Variants in SYK observed in about 807,000 individuals in gnomAD.
SYK encodes the protein spleen associated tyrosine kinase, also known as tyrosine-protein kinase SYK.
Under a neutral mutation model 77.8 loss-of-function variants are expected in SYK, and 16 were observed. The ratio of observed to expected loss-of-function variants is 0.21; its 90% CI spans 0.14 to 0.31. SYK has a LOEUF of 0.31. SYK is among the 10% of genes least tolerant of loss of function. The pLI, the probability that SYK is intolerant of heterozygous loss-of-function variation, is 1.00. For synonymous variants in SYK, 312 were observed against 308.7 expected, an observed-to-expected ratio of 1.01 and a Z score of -0.11; for missense variants, 529 against 814.4, an observed-to-expected ratio of 0.65 and a Z score of 4.26.
At position 90,884,888 on chromosome 9, in the gene SYK, T is replaced by TGTATAC. The variant is rs1554714829; in HGVS notation, c.1582-2861_1582-2860insGTATAC. ...ATACATATATACATATATACATATA[T>TGTATAC]ATACATATGCACATATGTGTATATA... On this transcript the variant is annotated intron_variant, in intron 11 of 13. Coordinates refer to ENST00000375754, the MANE Select transcript of SYK (RefSeq NM_003177.7). 2.4e-5 allele frequency among the ~76,000 whole-genome samples: 2 copies of TGTATAC among 82,454 alleles called. 1 individual carries two copies. The highest frequency in any genetic ancestry group is 5.0e-4 in the East Asian group (2 of 4,032). 54.1% of individuals were successfully genotyped at this position (82,454 alleles called of 152,430 possible). A position where few individuals can be genotyped will look rare whatever the true frequency, so the allele number is the denominator to read the frequency against.
intron 1 of SYK, among the ~76,000 whole-genome samples, chr9:90,804,481 T>C (rs1411825497): frequency 6.6e-6 from 1 of 152,224 alleles, no homozygotes; most frequent in Admixed American, 6.5e-5. Context: ...TTCTCAACTT[T>C]CCCTGTATAG....
chr9:90,825,695 C>T (rs1423323447), intron 1 of SYK, among the ~76,000 whole-genome samples: 1 of 152,146 alleles, frequency 6.6e-6, no homozygotes, highest in Admixed American at 6.5e-5. Context: ...CAGCTTAGAA[C>T]ATGTAGGAAG....
At chr9:90,803,305 C>G (rs1213301572) in intron 1 of SYK, among the ~76,000 whole-genome samples, 2 of 152,122 alleles carry the variant, frequency 1.3e-5, no homozygotes, top group African/African-American at 4.8e-5. Context: ...GTCTTATCCT[C>G]TTACTCTTCT....
At chr9:90,870,969 A>G (rs1355397625) in intron 7 of SYK, among the ~76,000 whole-genome samples, 1 of 152,260 alleles carries the variant, frequency 6.6e-6, no homozygotes, top group Non-Finnish European at 1.5e-5. Flanking sequence ...TGGACCTATC[A>G]GTTCCACAGA....
In SYK at chr9:90,895,661, C is replaced by A; in HGVS notation, c.*61C>A. The A allele has an allele frequency of 6.7e-7, 1 of 1,501,692 alleles. No homozygotes were observed. Among genetic ancestry groups the A allele is most frequent in the Non-Finnish European group, 9.3e-7 (1 of 1,080,154 alleles). The allele number at this position is 1,501,692 out of a possible 1,614,324, so 93.0% of individuals were successfully genotyped here. On this transcript the variant is annotated 3_prime_UTR_variant, in exon 14 of 14. Coordinates refer to ENST00000375754, the MANE Select transcript of SYK (RefSeq NM_003177.7). The surrounding 1 kb of genome is among the most constrained non-coding windows in gnomAD (Gnocchi z 4.4). ...CAGGAGCAATCACAGGAAAATGTATCCAGAGGAATTGATTGTCAGCCACCT... is the reference window on the plus strand; with the variant it reads ...CAGGAGCAATCACAGGAAAATGTATACAGAGGAATTGATTGTCAGCCACCT...
At chr9:90,893,158 T>A (rs1423494010) in intron 13 of SYK, among the ~76,000 whole-genome samples, 1 of 152,126 alleles carries the variant, frequency 6.6e-6, no homozygotes, top group Admixed American at 6.5e-5. Context: ...AAGCTAAAAA[T>A]AAGTGTGTCC....
chr9:90,830,581 CTTTTTTTTTTT>C (rs57804863), intron 1 of SYK, among the ~76,000 whole-genome samples: 1 of 111,562 alleles, frequency 9.0e-6, no homozygotes, highest in South Asian at 2.9e-4. Context: ...ACTCATTCCT[CTTTTTTTTTTT>C]TTTTTTTTTT....
chr9:90,883,685 G>C (rs895429928), intron 11 of SYK, among the ~76,000 whole-genome samples: 1 of 152,084 alleles, frequency 6.6e-6, no homozygotes, highest in South Asian at 2.1e-4. Flanking sequence ...CAATACTTGA[G>C]CATGACATCC....
chr9:90,837,753 G>A (rs1484082127), intron 1 of SYK, among the ~76,000 whole-genome samples: 1 of 152,226 alleles, frequency 6.6e-6, no homozygotes, highest in Admixed American at 6.5e-5. Context: ...AGCCTCAGGA[G>A]CTATGGGGAG....
chr9:90,864,573 C>G lies in SYK; in HGVS notation c.718-16C>G, dbSNP rs377254610. On this transcript the variant is annotated splice_polypyrimidine_tract_variant and intron_variant, in intron 4 of 13. Coordinates refer to ENST00000375754, the MANE Select transcript of SYK (RefSeq NM_003177.7). ...GACCTTGGTATTTACCACTTTCTTA[C>G]TTTTTTCTCTTTCAGCTAGTCGAGC... 1.2e-6 allele frequency: 2 copies of G among 1,611,084 alleles called. No homozygotes were observed. The highest frequency in any genetic ancestry group is 1.3e-5 in the African/African-American group (1 of 74,854).
chr9:90,809,801 G>T (rs1244991528), intron 1 of SYK, among the ~76,000 whole-genome samples: 1 of 152,142 alleles, frequency 6.6e-6, no homozygotes, highest in Non-Finnish European at 1.5e-5. Flanking sequence ...CCATGTCTGT[G>T]GCTGTCCCCC....
chr9:90,890,991 T>A (rs1170516106), intron 13 of SYK, among the ~76,000 whole-genome samples: 1 of 151,924 alleles, frequency 6.6e-6, no homozygotes, highest in Non-Finnish European at 1.5e-5. Flanking sequence ...AATGCAAGGG[T>A]TTTATAGACG....
intron 1 of SYK, among the ~76,000 whole-genome samples, chr9:90,823,018 A>G (rs933660836): frequency 6.6e-6 from 1 of 152,186 alleles, no homozygotes; most frequent in East Asian, 1.9e-4. Context: ...CTCCATGACA[A>G]TGGTTACTCT....
In SYK at chr9:90,855,666, ATG is replaced by A. The variant is rs9299433; in HGVS notation, c.579-6519_579-6518del. ...TGCACAAATGAGCTATTGAGTGAATATGTGTGTGTGTGTGTGTGTGTGGGTGT... is the reference window on the plus strand; with the variant it reads ...TGCACAAATGAGCTATTGAGTGAATATGTGTGTGTGTGTGTGTGTGGGTGT... On this transcript the variant is annotated intron_variant, in intron 3 of 13. Coordinates refer to ENST00000375754, the MANE Select transcript of SYK (RefSeq NM_003177.7). Among the ~76,000 whole-genome samples the A allele has an allele frequency of 4.6e-3, 686 of 148,784 alleles. 2 individuals are homozygous for A. The highest frequency in any genetic ancestry group is 6.8e-3 in the Middle Eastern group (2 of 292).
At chr9:90,819,297 T>TCA (rs1825418232) in intron 1 of SYK, among the ~76,000 whole-genome samples, 1 of 152,212 alleles carries the variant, frequency 6.6e-6, no homozygotes, top group South Asian at 2.1e-4. Flanking sequence ...CTACTCACAA[T>TCA]CACAGTCATT....
chr9:90,849,403 G>A lies in SYK; in HGVS notation c.578+3809G>A, dbSNP rs1241959760. Among the ~76,000 whole-genome samples the A allele has an allele frequency of 2.0e-5, 3 of 152,276 alleles. No homozygotes were observed. In the South Asian group the frequency reaches 6.2e-4, roughly 32 times the overall value. On this transcript the variant is annotated intron_variant, in intron 3 of 13. Coordinates refer to ENST00000375754, the MANE Select transcript of SYK (RefSeq NM_003177.7). ...GGCCCTTAAGAGGTTTTCAATGAAT[G>A]CTTGTCACCTAAATCAATGAATTGT... is the stretch of plus-strand genomic sequence containing the variant.
At chr9:90,877,521 G>C (rs1760132) in intron 9 of SYK, 50 bp from the exon 10 acceptor site, 14 of 1,589,008 alleles carry the variant, frequency 8.8e-6, no homozygotes, top group Middle Eastern at 1.7e-4. Flanking sequence ...AGATTATCTA[G>C]AAGTGAGGCA....
At chr9:90,883,858 A>G (rs1189124750) in intron 11 of SYK, among the ~76,000 whole-genome samples, 1 of 152,116 alleles carries the variant, frequency 6.6e-6, no homozygotes, top group African/African-American at 2.4e-5. Context: ...TGAAAGCCCA[A>G]GGGTCAGCCT....
intron 1 of SYK, among the ~76,000 whole-genome samples, chr9:90,829,043 C>A (rs1021225981): frequency 2.6e-5 from 4 of 152,202 alleles, no homozygotes; most frequent in African/African-American, 9.6e-5. Flanking sequence ...GTAATCCCAA[C>A]ACTTTGGGAT....
Sources: gnomAD v4.1 joint callset for allele counts (sites outside exome capture counted in the v4.1 genomes callset) on GRCh38, gnomAD v4.1.1 for gene constraint, Gnocchi (gnomAD v3.1) non-coding constraint, MANE v1.5 for transcripts, NCBI Gene and HGNC (gene_info 2026-07-23, HGNC 2026-07-21) for gene names.